The following TYW1B variants were observed in gnomAD, a reference collection of about 807,000 sequenced individuals.
TYW1B encodes S-adenosyl-L-methionine-dependent tRNA 4-demethylwyosine synthase TYW1B.
Under a neutral mutation model 86.9 loss-of-function variants are expected in TYW1B, and 73 were observed. That is an observed-to-expected ratio of 0.84 (90% CI 0.70 to 1.02). The LOEUF is 1.02. TYW1B is among the 50% of genes least tolerant of loss of function. The probability of loss-of-function intolerance (pLI) is 0.00; values close to 1 mark genes in which losing one functional copy is unlikely to be tolerated. For missense variants in TYW1B, 637 were observed against 827.4 expected, an observed-to-expected ratio of 0.77 and a Z score of 2.82; for synonymous variants, 248 against 292.8, an observed-to-expected ratio of 0.85 and a Z score of 1.56.
chr7:72,646,693 T>A (rs1812940033), intron 11 of TYW1B, among the ~76,000 whole-genome samples: 2 of 152,158 alleles, frequency 1.3e-5, no homozygotes, highest in Admixed American at 6.5e-5. Context: ...CTTTATATGT[T>A]GTATACGGAA....
At chr7:72,776,556 CAAAAAAAA>C (rs67553013) in intron 7 of TYW1B, among the ~76,000 whole-genome samples, 4 of 45,242 alleles carry the variant, frequency 8.8e-5, no homozygotes, top group East Asian at 7.6e-4. Flanking sequence ...GACTCTGTCT[CAAAAAAAA>C]AAAAAAAAAA....
At chr7:72,792,483 T>C (rs1467910143) in intron 6 of TYW1B, among the ~76,000 whole-genome samples, 7 of 152,200 alleles carry the variant, frequency 4.6e-5, no homozygotes, top group African/African-American at 9.6e-5. Flanking sequence ...ATTTGAAAGA[T>C]TGGTAACATC....
intron 11 of TYW1B, among the ~76,000 whole-genome samples, chr7:72,674,642 C>T (rs1554447021): frequency 1.3e-5 from 2 of 152,090 alleles, no homozygotes; most frequent in Non-Finnish European, 2.9e-5. Flanking sequence ...TCATTCCACT[C>T]CAACTAAGGT....
At chr7:72,679,819 T>C (rs1484093058) in intron 11 of TYW1B, among the ~76,000 whole-genome samples, 5 of 152,098 alleles carry the variant, frequency 3.3e-5, no homozygotes, top group African/African-American at 1.2e-4. Context: ...GAGTTATACA[T>C]AAGAGTGAAG....
intron 9 of TYW1B, among the ~76,000 whole-genome samples, chr7:72,728,239 T>C (rs576829368): frequency 2.0e-5 from 3 of 152,368 alleles, no homozygotes; most frequent in South Asian, 2.1e-4. Context: ...TCTAGGAAGA[T>C]TGATGGTACA....
At chr7:72,603,445 A>G (rs1285617782) in intron 13 of TYW1B, among the ~76,000 whole-genome samples, 2 of 152,228 alleles carry the variant, frequency 1.3e-5, no homozygotes, top group Admixed American at 1.3e-4. Flanking sequence ...AACTGAATAC[A>G]TTAATAAATG....
At chr7:72,796,655 T>C (rs1451681287) in intron 6 of TYW1B, among the ~76,000 whole-genome samples, 1 of 151,406 alleles carries the variant, frequency 6.6e-6, no homozygotes, top group African/African-American at 2.4e-5. Context: ...CTACGTCTTT[T>C]TGGCAGGTGT....
chr7:72,812,911 CAT>C (rs772721673), intron 3 of TYW1B, among the ~76,000 whole-genome samples: 22 of 152,058 alleles, frequency 1.4e-4, no homozygotes, highest in Non-Finnish European at 2.5e-4. Flanking sequence ...AGGCTGCTCT[CAT>C]ATGCCTGAGC....
chr7:72,725,368 A>G (rs527362522), intron 9 of TYW1B, among the ~76,000 whole-genome samples: 17 of 152,300 alleles, frequency 1.1e-4, no homozygotes, highest in African/African-American at 4.1e-4. Context: ...GGGAGACTCC[A>G]GGATGTCCAG....
intron 13 of TYW1B, among the ~76,000 whole-genome samples, chr7:72,610,614 G>T (rs527585253): frequency 3.0e-4 from 46 of 152,194 alleles, no homozygotes; most frequent in African/African-American, 1.0e-3. Context: ...TGGACCTGAG[G>T]GTTATAACAG....
intron 11 of TYW1B, among the ~76,000 whole-genome samples, chr7:72,676,835 G>A (rs1554447526): frequency 6.6e-6 from 1 of 152,070 alleles, no homozygotes; most frequent in African/African-American, 2.4e-5. Flanking sequence ...GCATGTGCCT[G>A]TAATCTCAGA....
intron 11 of TYW1B, among the ~76,000 whole-genome samples, chr7:72,641,264 A>C (rs1232891972): frequency 2.0e-5 from 3 of 152,234 alleles, no homozygotes; most frequent in Non-Finnish European, 2.9e-5. Flanking sequence ...ACAATCAAAA[A>C]ACTCCCAACA....
chr7:72,684,652 T>C (rs1813963314), intron 11 of TYW1B, among the ~76,000 whole-genome samples: 1 of 152,028 alleles, frequency 6.6e-6, no homozygotes, highest in Admixed American at 6.6e-5. Flanking sequence ...AGAGAAGGAG[T>C]AAAATAAAAA....
At chr7:72,803,776 G>C (rs551721023) in intron 5 of TYW1B, among the ~76,000 whole-genome samples, 6 of 151,804 alleles carry the variant, frequency 4.0e-5, no homozygotes, top group African/African-American at 1.4e-4. Context: ...ATCACACCCG[G>C]CTAATTTTTG....
chr7:72,647,792 C>T (rs1812964996), intron 11 of TYW1B, among the ~76,000 whole-genome samples: 1 of 152,074 alleles, frequency 6.6e-6, no homozygotes, highest in African/African-American at 2.4e-5. Context: ...TCAAACCATC[C>T]TCCCACCTCA....
Position 72,739,563 on chromosome 7 carries a change from G to C in TYW1B, c.1082+4921C>G, listed in dbSNP as rs543763980. On this transcript the variant is annotated intron_variant, in intron 8 of 13. Transcript: ENST00000620995. ...GGAGGTTGCAGTGAGCCAAGATCAT[G>C]CCATTGCACTCCAGCCTGGGTGACA... is the stretch of plus-strand genomic sequence containing the variant. Among the ~76,000 whole-genome samples, 264 of 148,398 alleles carry C rather than the reference G, an allele frequency of 1.8e-3. 1 individual carries two copies. The highest frequency in any genetic ancestry group is 5.9e-3 in the African/African-American group (231 of 39,228).
At chr7:72,595,362 AAAAAAC>A (rs1194102397) in intron 13 of TYW1B, among the ~76,000 whole-genome samples, 1 of 152,186 alleles carries the variant, frequency 6.6e-6, no homozygotes, top group Non-Finnish European at 1.5e-5. Flanking sequence ...ATCTGAAAAG[AAAAAAC>A]AAAAACAAAA....
chr7:72,712,948 T>C (rs567463186), intron 10 of TYW1B, among the ~76,000 whole-genome samples: 5 of 152,174 alleles, frequency 3.3e-5, no homozygotes, highest in Admixed American at 3.3e-4. Flanking sequence ...TCTCAGGAAG[T>C]TCCTTATTAA....
chr7:72,709,349 T>G (rs559172770), intron 10 of TYW1B, among the ~76,000 whole-genome samples: 2 of 152,314 alleles, frequency 1.3e-5, no homozygotes, highest in East Asian at 3.9e-4. Context: ...ACCCTTCATA[T>G]TAGGAGCTTC....
Sources: allele counts gnomAD v4.1 joint callset (sites outside exome capture counted in the v4.1 genomes callset), GRCh38; gene constraint gnomAD v4.1.1; transcripts MANE v1.5; gene names NCBI Gene and HGNC (gene_info 2026-07-23, HGNC 2026-07-21).